The following PRMT3 variants were observed in gnomAD, a reference collection of about 807,000 sequenced individuals.
PRMT3 encodes protein arginine methyltransferase 3, also known as protein arginine N-methyltransferase 3.
In PRMT3, 62 loss-of-function variants were observed where a neutral mutation model predicts 71.9. That is an observed-to-expected ratio of 0.86 (90% CI 0.70 to 1.07). PRMT3 has a LOEUF of 1.07. Among genes scored for constraint, PRMT3 ranks in the 50% least tolerant of loss-of-function variants. PRMT3 has a pLI of 0.00. For missense variants in PRMT3, 663 were observed against 643.0 expected, an observed-to-expected ratio of 1.03 and a Z score of -0.34; for synonymous variants, 213 against 220.4, an observed-to-expected ratio of 0.97 and a Z score of 0.30.
At chr11:20,414,946 C>A (rs1197474273) in intron 9 of PRMT3, among the ~76,000 whole-genome samples, 1 of 150,930 alleles carries the variant, frequency 6.6e-6, no homozygotes, top group Non-Finnish European at 1.5e-5. Flanking sequence ...ATAGTAGATG[C>A]TTAGTTAAGG....
intron 10 of PRMT3, among the ~76,000 whole-genome samples, chr11:20,435,641 G>A (rs905161509): frequency 1.3e-5 from 2 of 152,116 alleles, no homozygotes; most frequent in East Asian, 1.9e-4. Flanking sequence ...GCCAAAAATC[G>A]GTTGGCTGTA....
chr11:20,464,401 G>GGT (rs1850457249), intron 12 of PRMT3, 59 bp from the exon 13 acceptor site: 1 of 1,154,086 alleles, frequency 8.7e-7, no homozygotes, highest in African/African-American at 1.7e-5. Flanking sequence ...TTTATTTTTT[G>GGT]TTTTTTTTTT....
intron 13 of PRMT3, among the ~76,000 whole-genome samples, chr11:20,488,686 TCCTC>T (rs1851137327): frequency 6.6e-6 from 1 of 152,200 alleles, no homozygotes; most frequent in African/African-American, 2.4e-5. Context: ...ATTTCCTTCT[TCCTC>T]ATAAGGTCTA....
At chr11:20,430,769 A>G (rs1849638903) in intron 10 of PRMT3, among the ~76,000 whole-genome samples, 1 of 152,190 alleles carries the variant, frequency 6.6e-6, no homozygotes, top group African/African-American at 2.4e-5. Context: ...CATATACAAT[A>G]CAATATTACT....
intron 13 of PRMT3, among the ~76,000 whole-genome samples, chr11:20,489,357 G>T (rs945288847): frequency 6.6e-6 from 1 of 151,910 alleles, no homozygotes; most frequent in Non-Finnish European, 1.5e-5. Flanking sequence ...AGATATATAC[G>T]TGAGACAAAG....
chr11:20,484,055 A>G (rs1031059865), intron 13 of PRMT3, among the ~76,000 whole-genome samples: 6 of 152,218 alleles, frequency 3.9e-5, no homozygotes, highest in African/African-American at 1.4e-4. Flanking sequence ...AGTTTACTTA[A>G]TAAATCATAC....
intron 13 of PRMT3, among the ~76,000 whole-genome samples, chr11:20,471,745 A>G (rs1480885487): frequency 6.6e-6 from 1 of 152,152 alleles, no homozygotes; most frequent in Non-Finnish European, 1.5e-5. Context: ...AGGATGTCCA[A>G]TGGTAGTTTA....
chr11:20,433,039 A>T (rs1316750407), intron 10 of PRMT3, among the ~76,000 whole-genome samples: 1 of 151,320 alleles, frequency 6.6e-6, no homozygotes, highest in African/African-American at 2.4e-5. Flanking sequence ...AACTTTATTT[A>T]CTTTTTTAGT....
At chr11:20,412,978 A>G (rs541443094) in intron 9 of PRMT3, among the ~76,000 whole-genome samples, 5 of 152,176 alleles carry the variant, frequency 3.3e-5, no homozygotes, top group Non-Finnish European at 7.4e-5. Flanking sequence ...GCCTGACTCC[A>G]TAGCTTATCC....
At chr11:20,428,475 G>A (rs1849591782) in intron 10 of PRMT3, among the ~76,000 whole-genome samples, 2 of 152,128 alleles carry the variant, frequency 1.3e-5, no homozygotes, top group South Asian at 2.1e-4. Flanking sequence ...GAATTATACT[G>A]CTGGATATTG....
intron 9 of PRMT3, among the ~76,000 whole-genome samples, chr11:20,419,555 T>C (rs569939532): frequency 2.0e-5 from 3 of 152,330 alleles, no homozygotes; most frequent in South Asian, 2.1e-4. Context: ...GAGTAAGGAA[T>C]CTGTACCTTT....
At chr11:20,445,758 T>C (rs1314948443) in intron 10 of PRMT3, among the ~76,000 whole-genome samples, 3 of 152,176 alleles carry the variant, frequency 2.0e-5, no homozygotes, top group Admixed American at 1.3e-4. Flanking sequence ...TTACCACTTA[T>C]ACTTACATCC....
intron 13 of PRMT3, among the ~76,000 whole-genome samples, chr11:20,481,480 C>T (rs1850931207): frequency 6.6e-6 from 1 of 152,042 alleles, no homozygotes; most frequent in Admixed American, 6.6e-5. Flanking sequence ...CACTATAAGC[C>T]ATCTACTTCA....
chr11:20,499,979 G>A (rs192779835), intron 15 of PRMT3, among the ~76,000 whole-genome samples: 12 of 152,264 alleles, frequency 7.9e-5, no homozygotes, highest in African/African-American at 2.6e-4. Context: ...ATAATTGGGA[G>A]GAGAAGACCG....
chr11:20,464,316 TAA>T, intron 12 of PRMT3, 142 bp from the exon 13 acceptor site: 2 of 1,145,966 alleles, frequency 1.7e-6, no homozygotes, highest in Non-Finnish European at 2.4e-6. Flanking sequence ...AGCATGTGAG[TAA>T]AGTTTGCAAA....
chr11:20,476,107 T>C (rs1328813877), intron 13 of PRMT3, among the ~76,000 whole-genome samples: 5 of 151,556 alleles, frequency 3.3e-5, no homozygotes, highest in African/African-American at 1.2e-4. Flanking sequence ...TCTAGCACTT[T>C]GGGAGGCCGA....
At chr11:20,452,833 C>T (rs943127862) in intron 11 of PRMT3, among the ~76,000 whole-genome samples, 12 of 152,168 alleles carry the variant, frequency 7.9e-5, no homozygotes, top group Non-Finnish European at 1.5e-4. Context: ...TATATACATA[C>T]AAAATAATTG....
At chr11:20,464,401 G>A in intron 12 of PRMT3, 59 bp from the exon 13 acceptor site, 1 of 1,154,086 alleles carries the variant, frequency 8.7e-7, no homozygotes, top group Non-Finnish European at 1.2e-6. Context: ...TTTATTTTTT[G>A]TTTTTTTTTT....
intron 8 of PRMT3, among the ~76,000 whole-genome samples, chr11:20,404,211 G>GTT (rs71063629): frequency 2.9e-5 from 1 of 34,332 alleles, no homozygotes; most frequent in East Asian, 1.3e-3. Context: ...ACTTTTCATA[G>GTT]TTTTTTTTTT....
Sources: gnomAD v4.1 joint callset for allele counts (sites outside exome capture counted in the v4.1 genomes callset) on GRCh38, gnomAD v4.1.1 for gene constraint, MANE v1.5 for transcripts, NCBI Gene and HGNC (gene_info 2026-07-23, HGNC 2026-07-21) for gene names.